SHISA8: variants seen among roughly 807,000 people sequenced by gnomAD.
The protein encoded by SHISA8 is protein shisa-8.
In SHISA8, 21 loss-of-function variants were observed where a neutral mutation model predicts 21.1. The observed-to-expected ratio is 0.99, with a 90% CI of 0.71 to 1.43. SHISA8 has a LOEUF of 1.43. Among genes scored for constraint, SHISA8 ranks in the 40% most tolerant of loss-of-function variants. The probability of loss-of-function intolerance (pLI) is 0.00; values close to 1 mark genes in which losing one functional copy is unlikely to be tolerated. For missense variants in SHISA8, 535 were observed against 599.1 expected (o/e 0.89, Z 1.12); for synonymous variants, 300 against 291.4 (o/e 1.03, Z -0.30).
chr22:41,913,677 G>A (rs1316005043), intron 1 of SHISA8, among the ~76,000 whole-genome samples: 2 of 152,164 alleles, frequency 1.3e-5, no homozygotes, highest in Non-Finnish European at 2.9e-5. Context: ...CAGCTGTGGG[G>A]GCAGGGGAGA....
chr22:41,909,828 G>A lies in SHISA8; in HGVS notation c.1131C>T (p.Tyr377=), dbSNP rs1337387291. The A allele has an allele frequency of 1.2e-5, 19 of 1,522,546 alleles. No homozygotes were observed. Among genetic ancestry groups the A allele is most frequent in the South Asian group, 3.7e-5 (3 of 82,036 alleles). The allele number at this position is 1,522,546 out of a possible 1,614,324, so 94.3% of individuals were successfully genotyped here. The part of the protein sequence containing the change: ...ETFNPQLPGL[Y]GSAGRGSRYL... ...ACCGGGACCCGCGGCCCGCGCTGCC[G>A]TAAAGGCCGGGGAGCTGCGGGTTGA... Residue 377 remains tyrosine (Y), a synonymous_variant, in exon 4 of 4, where the codon TAC becomes TAT. Transcript: ENST00000621082.
intron 1 of SHISA8, among the ~76,000 whole-genome samples, chr22:41,912,645 G>A (rs192575459): frequency 1.3e-5 from 2 of 152,258 alleles, no homozygotes; most frequent in East Asian, 1.9e-4. Flanking sequence ...AGAATGAAGG[G>A]TGAGACTCGA....
chr22:41,911,410 G>A, intron 1 of SHISA8, 61 bp from the exon 2 acceptor site: 1 of 1,234,460 alleles, frequency 8.1e-7, no homozygotes, highest in Non-Finnish European at 1.0e-6. Flanking sequence ...GCCAGCCCCG[G>A]CCACCACCGT....
In SHISA8 at chr22:41,909,904, C is replaced by A. The variant is rs2077535868; in HGVS notation, c.1055G>T (p.Arg352Leu). The A allele has an allele frequency of 2.0e-6, 3 of 1,527,088 alleles. No individual in the cohort carries two copies. The highest frequency in any genetic ancestry group is 2.0e-5 in the Admixed American group (1 of 50,108). The allele number at this position is 1,527,088 out of a possible 1,614,324, so 94.6% of individuals were successfully genotyped here. A position where few individuals can be genotyped will look rare whatever the true frequency, so the allele number is the denominator to read the frequency against. ...CTGGCGCCGGGCCGCGTGCCCGGGTCGCCGGGGTACCTGGAAGGCCCGAGC... is the reference window on the plus strand; with the variant it reads ...CTGGCGCCGGGCCGCGTGCCCGGGTAGCCGGGGTACCTGGAAGGCCCGAGC... ...PTARAFQVPR[R>L]PGHAARRQFS... is the part of the protein sequence containing the mutation. The change falls in exon 4 of 4, where the codon CGA (arginine) becomes CTA (leucine). Residue 352 changes from arginine (R) to leucine (L), a missense_variant. Arg to Leu is a moderately radical substitution (Grantham distance 102). Transcript: ENST00000621082.
Position 41,909,760 on chromosome 22 carries a change from C to T in SHISA8, c.*5G>A. On this transcript the variant is annotated 3_prime_UTR_variant, in exon 4 of 4. Transcript: ENST00000621082. ...CCCATGCCTCGAGGGCACCGCGGCC[C>T]CGCTTCACACGGTGACCTCGGTCTT... is the stretch of plus-strand genomic sequence containing the variant. 2.1e-6 allele frequency: 3 copies of T among 1,451,886 alleles called. No individual in the cohort carries two copies. Among genetic ancestry groups the T allele is most frequent in the Non-Finnish European group, 2.7e-6 (3 of 1,100,978 alleles). The allele number at this position is 1,451,886 out of a possible 1,614,324, so 89.9% of individuals were successfully genotyped here.
chr22:41,914,036 G>A lies in SHISA8; in HGVS notation c.530+102C>T. On this transcript the variant is annotated intron_variant, in intron 1 of 3. Transcript: ENST00000621082. The surrounding 1 kb of genome is among the most constrained non-coding windows in gnomAD (Gnocchi z 6.8). ...GGAGACAGGAAAACCCAGAGAAGGG[G>A]CCTGCTGGGAGAACCAGCGCTTCGA... is the stretch of plus-strand genomic sequence containing the variant. 8.2e-7 allele frequency: 1 copy of A among 1,224,674 alleles called. No homozygotes were observed. Among genetic ancestry groups the A allele is most frequent in the Non-Finnish European group, 1.0e-6 (1 of 959,906 alleles). The allele number at this position is 1,224,674 out of a possible 1,614,324, so 75.9% of individuals were successfully genotyped here.
In SHISA8 at chr22:41,910,545, C is replaced by T. The variant is rs2077544159; in HGVS notation, c.674G>A (p.Arg225His). ...GSPHNSADKKRLNNAPRGSAA... is the reference protein window; with the variant it reads ...GSPHNSADKKHLNNAPRGSAA... ...CGACCCCCGGGGCGCGTTGTTGAGG[C>T]GCTTCTTGTCTGGAGCGAGGAGTGA... The change falls in exon 3 of 4, where the codon CGC becomes CAC. Residue 225 changes from arginine (R) to histidine (H), a missense_variant. Coordinates refer to ENST00000621082, the MANE Select transcript of SHISA8 (RefSeq NM_001207020.3). The surrounding 1 kb of genome is among the most constrained non-coding windows in gnomAD (Gnocchi z 6.8). The T allele has an allele frequency of 4.0e-6, 5 of 1,236,284 alleles. No homozygotes were observed. The South Asian group carries it at 1.9e-4, about 46-fold the overall frequency. 76.6% of individuals were successfully genotyped at this position (1,236,284 alleles called of 1,614,324 possible).
chr22:41,912,883 G>T (rs2077561253), intron 1 of SHISA8, among the ~76,000 whole-genome samples: 1 of 152,214 alleles, frequency 6.6e-6, no homozygotes, highest in African/African-American at 2.4e-5. Context: ...GAACATGTCA[G>T]CTGGGCTGCT....
intron 1 of SHISA8, among the ~76,000 whole-genome samples, chr22:41,913,612 G>C (rs2077565390): frequency 6.6e-6 from 1 of 152,188 alleles, no homozygotes; most frequent in African/African-American, 2.4e-5. Flanking sequence ...CTGTGGCATG[G>C]GGTGAGTGGG....
In SHISA8 at chr22:41,915,023, G is replaced by A. The variant is rs1400834297; in HGVS notation, c.-356C>T. On this transcript the variant is annotated 5_prime_UTR_variant, in exon 1 of 4. Coordinates refer to ENST00000621082, the MANE Select transcript of SHISA8 (RefSeq NM_001207020.3). The surrounding 1 kb of genome is among the most constrained non-coding windows in gnomAD (Gnocchi z 5.0). ...AGCGGAGGCCGCGCCGGGGCCGCGG[G>A]CCGCCCGACTGCGCTACCTTCCCGC... Among the ~76,000 whole-genome samples the A allele has an allele frequency of 6.6e-6, 1 of 151,880 alleles. No individual in the cohort carries two copies. The highest frequency in any genetic ancestry group is 2.4e-5 in the African/African-American group (1 of 41,396).
intron 1 of SHISA8, 88 bp from the exon 2 acceptor site, chr22:41,911,437 G>A: frequency 3.3e-6 from 4 of 1,226,170 alleles, no homozygotes; most frequent in Non-Finnish European, 4.1e-6. Context: ...GTGTGGCCCT[G>A]GGCAGTTCTT....
chr22:41,914,322 G>C lies in SHISA8; in HGVS notation c.346C>G (p.Gln116Glu). ...CSNYDTPAWV[Q>E]TGRPPARARD... The stretch of plus-strand genomic sequence containing the variant: ...GCGCGGGCGGGCGGCCGGCCTGTCT[G>C]GACCCAGGCCGGCGTGTCGTAGTTG... The change falls in exon 1 of 4, where the codon CAG (glutamine) becomes GAG (glutamate). Residue 116 changes from glutamine to glutamate, a missense_variant. Physicochemically the swap from Gln to Glu is conservative, Grantham distance 29 (BLOSUM62 2). Transcript: ENST00000621082. This position sits in a 1 kb window ranked among gnomAD's most constrained non-coding sequence, Gnocchi z 6.8. 8.0e-7 allele frequency: 1 copy of C among 1,251,328 alleles called. No individual in the cohort carries two copies. Among genetic ancestry groups the C allele is most frequent in the South Asian group, 3.1e-5 (1 of 31,848 alleles). The allele number at this position is 1,251,328 out of a possible 1,614,324, so 77.5% of individuals were successfully genotyped here. A position where few individuals can be genotyped will look rare whatever the true frequency, so the allele number is the denominator to read the frequency against.
In SHISA8 at chr22:41,909,755, C is replaced by T. The variant is rs1055439882; in HGVS notation, c.*10G>A. ...CCCAGCCCATGCCTCGAGGGCACCG[C>T]GGCCCCGCTTCACACGGTGACCTCG... On this transcript the variant is annotated 3_prime_UTR_variant, in exon 4 of 4. Coordinates refer to ENST00000621082, the MANE Select transcript of SHISA8 (RefSeq NM_001207020.3). 1.7e-5 allele frequency: 25 copies of T among 1,444,524 alleles called. No homozygotes were observed. In the African/African-American group the frequency reaches 3.7e-4, roughly 21 times the overall value. The allele number at this position is 1,444,524 out of a possible 1,614,324, so 89.5% of individuals were successfully genotyped here. A position where few individuals can be genotyped will look rare whatever the true frequency, so the allele number is the denominator to read the frequency against.
In SHISA8 at chr22:41,911,339, C is replaced by CT; in HGVS notation, c.540dup (p.Glu181ArgfsTer187). On this transcript the variant is annotated frameshift_variant, in exon 2 of 4. Coordinates refer to ENST00000621082, the MANE Select transcript of SHISA8 (RefSeq NM_001207020.3). LOFTEE classifies it high-confidence loss of function. ...TGGGGGCCCGGCTGCTTCAGAAGCTCTGTCAGCGCCCTGCGGGGACAGCAG... is the reference window on the plus strand; with the variant it reads ...TGGGGGCCCGGCTGCTTCAGAAGCTCTTGTCAGCGCCCTGCGGGGACAGCAG... 1 of 1,242,920 alleles carries CT rather than the reference C, an allele frequency of 8.0e-7. No individual in the cohort carries two copies. The highest frequency in any genetic ancestry group is 1.0e-6 in the Non-Finnish European group (1 of 992,504). 77.0% of individuals were successfully genotyped at this position (1,242,920 alleles called of 1,614,324 possible).
Position 41,914,170 on chromosome 22 carries a change from C to A in SHISA8, c.498G>T (p.Ala166=). The A allele has an allele frequency of 6.9e-7, 1 of 1,457,780 alleles. No homozygotes were observed. The highest frequency in any genetic ancestry group is 9.0e-7 in the Non-Finnish European group (1 of 1,114,764). The allele number at this position is 1,457,780 out of a possible 1,614,324, so 90.3% of individuals were successfully genotyped here. Residue 166 remains alanine (A), a synonymous_variant, in exon 1 of 4, where the codon GCG becomes GCT. Transcript: ENST00000621082. The surrounding 1 kb of genome is among the most constrained non-coding windows in gnomAD (Gnocchi z 6.8). The stretch of plus-strand genomic sequence containing the variant: ...CTGTGCGCCGCGCGCGCGGGCTGTG[C>A]GCCCTCTCCAGTCCCAGGCGCGCCC... ...GIGARLGLER[A]HSPRARRTVT...
chr22:41,913,937 CA>C lies in SHISA8; in HGVS notation c.530+200del, dbSNP rs376588506. Among the ~76,000 whole-genome samples the C allele has an allele frequency of 2.6e-3, 400 of 150,996 alleles. 1 individual carries two copies. The Middle Eastern group carries it at 0.027, about 10-fold the overall frequency. ...AAGGCGGTGCGGCGCCCAGCACGGGCAGAAGGTCAAAGGGAGTCAGGGCGGT... is the reference window on the plus strand; with the variant it reads ...AAGGCGGTGCGGCGCCCAGCACGGGCGAAGGTCAAAGGGAGTCAGGGCGGT... On this transcript the variant is annotated intron_variant, in intron 1 of 3. Coordinates refer to ENST00000621082, the MANE Select transcript of SHISA8 (RefSeq NM_001207020.3).
At chr22:41,913,260 C>CCA (rs1181542262) in intron 1 of SHISA8, among the ~76,000 whole-genome samples, 1 of 152,248 alleles carries the variant, frequency 6.6e-6, no homozygotes, top group Non-Finnish European at 1.5e-5. Context: ...GAAGGCTTCT[C>CCA]TATGGTCACT....
chr22:41,911,166 G>GCCCCT (rs2077550727), intron 2 of SHISA8, 50 bp downstream of exon 2: 26 of 1,253,614 alleles, frequency 2.1e-5, no homozygotes, highest in Middle Eastern at 3.0e-4. Context: ...GGCCTCTCAC[G>GCCCCT]CCCCTCCGCG....
Position 41,913,468 on chromosome 22 carries a change from G to A in SHISA8, c.530+670C>T, listed in dbSNP as rs141336766. 3.0e-3 allele frequency among the ~76,000 whole-genome samples: 458 copies of A among 152,322 alleles called. 1 individual carries two copies. Among genetic ancestry groups the A allele is most frequent in the Non-Finnish European group, 5.0e-3 (339 of 68,020 alleles). ...GAGTCCTCGTTCCAACCGAGGAAGG[G>A]GACCTGGACCCTGTAGTGCCCACTT... On this transcript the variant is annotated intron_variant, in intron 1 of 3. Transcript: ENST00000621082.
Sources: gnomAD v4.1 joint callset for allele counts (sites outside exome capture counted in the v4.1 genomes callset) on GRCh38, gnomAD v4.1.1 for gene constraint, Gnocchi (gnomAD v3.1) non-coding constraint, MANE v1.5 for transcripts, NCBI Gene and HGNC (gene_info 2026-07-23, HGNC 2026-07-21) for gene names.